SUPT3H: variants seen among roughly 807,000 people sequenced by gnomAD.
SUPT3H encodes SPT3 homolog, SAGA and STAGA complex component.
A neutral mutation model predicts 44.3 loss-of-function variants in SUPT3H; 44 were observed. The observed-to-expected ratio is 0.99, with a 90% CI of 0.78 to 1.28. The LOEUF (loss-of-function observed/expected upper bound fraction) is 1.28. Ranked by LOEUF, SUPT3H falls within the 50% of genes most tolerant of loss-of-function variation. The pLI is 0.00. For missense variants in SUPT3H, 380 were observed against 387.1 expected, an observed-to-expected ratio of 0.98 and a Z score of 0.15; for synonymous variants, 124 against 125.6, an observed-to-expected ratio of 0.99 and a Z score of 0.09.
At chr6:45,201,676 A>ATTCT (rs1762475133) in intron 2 of SUPT3H, among the ~76,000 whole-genome samples, 1 of 151,890 alleles carries the variant, frequency 6.6e-6, no homozygotes, top group Non-Finnish European at 1.5e-5. Flanking sequence ...GAAACACAGA[A>ATTCT]TAGGACAGAG....
At chr6:45,184,617 A>T (rs1813848150) in intron 2 of SUPT3H, among the ~76,000 whole-genome samples, 1 of 152,030 alleles carries the variant, frequency 6.6e-6, no homozygotes, top group South Asian at 2.1e-4. Flanking sequence ...AGCACAGGAC[A>T]TCGCTGAAAG....
rs148745519 is a variant in SUPT3H at position 45,151,358 on chromosome 6, C to A, written c.102-45352G>T. Among the ~76,000 whole-genome samples, 385 of 152,242 alleles carry A rather than the reference C, an allele frequency of 2.5e-3. 4 individuals carry two copies. Among genetic ancestry groups the A allele is most frequent in the African/African-American group, 8.8e-3 (364 of 41,544 alleles). ...TTCTAAATCTATTTTCAAATATCCTCTGTTAAGCAAGTTTCAAAAAGATTG... is the reference window on the plus strand; with the variant it reads ...TTCTAAATCTATTTTCAAATATCCTATGTTAAGCAAGTTTCAAAAAGATTG... On this transcript the variant is annotated intron_variant, in intron 2 of 10. Coordinates refer to ENST00000371459, the MANE Select transcript of SUPT3H (RefSeq NM_003599.4).
chr6:45,347,721 CTTTA>C (rs1044487463), intron 2 of SUPT3H, among the ~76,000 whole-genome samples: 1 of 151,348 alleles, frequency 6.6e-6, no homozygotes, highest in African/African-American at 2.4e-5. Flanking sequence ...AATCCAAATA[CTTTA>C]TTTTTCTACA....
At chr6:45,141,757 C>T (rs554892450) in intron 2 of SUPT3H, among the ~76,000 whole-genome samples, 1 of 152,182 alleles carries the variant, frequency 6.6e-6, no homozygotes, top group Admixed American at 6.5e-5. Flanking sequence ...AAAAACAAGT[C>T]CAGGAGCAGA....
chr6:45,321,154 A>C (rs950276685), intron 2 of SUPT3H, among the ~76,000 whole-genome samples: 34 of 152,130 alleles, frequency 2.2e-4, no homozygotes, highest in Admixed American at 2.2e-3. Flanking sequence ...TAAACTGTGA[A>C]AACTAGCCAT....
At chr6:45,293,991 C>A (rs1780719792) in intron 2 of SUPT3H, among the ~76,000 whole-genome samples, 1 of 152,066 alleles carries the variant, frequency 6.6e-6, no homozygotes, top group Non-Finnish European at 1.5e-5. Flanking sequence ...TCTATGAAGC[C>A]ATTATCACGC....
chr6:45,321,379 G>A (rs1785467911), intron 2 of SUPT3H, among the ~76,000 whole-genome samples: 1 of 152,006 alleles, frequency 6.6e-6, no homozygotes, highest in South Asian at 2.1e-4. Context: ...GCTGAAAAAT[G>A]CCTATATATC....
At chr6:44,832,764 C>T (rs1287276703) in intron 10 of SUPT3H, among the ~76,000 whole-genome samples, 3 of 152,026 alleles carry the variant, frequency 2.0e-5, no homozygotes, top group African/African-American at 7.2e-5. Flanking sequence ...CGACCTGTGC[C>T]AGAATGTCAA....
In SUPT3H at chr6:44,999,980, A is replaced by G. The variant is rs1582982228; in HGVS notation, c.504+3673T>C. Among the ~76,000 whole-genome samples the G allele has an allele frequency of 5.3e-5, 8 of 152,160 alleles. No homozygotes were observed. In the South Asian group the frequency reaches 1.7e-3, roughly 32 times the overall value. On this transcript the variant is annotated intron_variant, in intron 6 of 10. Coordinates refer to ENST00000371459, the MANE Select transcript of SUPT3H (RefSeq NM_003599.4). ...AACTTTTACCTTTTAAATAATCTAG[A>G]AAAATTACATTTCTATTTCTATATA... is the stretch of plus-strand genomic sequence containing the variant.
intron 4 of SUPT3H, among the ~76,000 whole-genome samples, chr6:45,018,907 G>C (rs1784709845): frequency 6.6e-6 from 1 of 152,048 alleles, no homozygotes; most frequent in Non-Finnish European, 1.5e-5. Context: ...GATTGGAATA[G>C]TTTCAGAAGG....
intron 10 of SUPT3H, among the ~76,000 whole-genome samples, chr6:44,879,563 C>A (rs958056065): frequency 2.6e-5 from 4 of 151,568 alleles, no homozygotes; most frequent in African/African-American, 9.7e-5. Context: ...CCCAGCACAG[C>A]ACTCGAGCTC....
intron 2 of SUPT3H, among the ~76,000 whole-genome samples, chr6:45,248,232 T>G (rs1771724965): frequency 6.7e-6 from 1 of 149,058 alleles, no homozygotes; most frequent in African/African-American, 2.4e-5. Context: ...AAAGAAAAAA[T>G]GACCAATTGA....
intron 2 of SUPT3H, among the ~76,000 whole-genome samples, chr6:45,130,629 T>G (rs1003192180): frequency 1.4e-5 from 2 of 147,582 alleles, no homozygotes; most frequent in African/African-American, 2.5e-5. Context: ...CTTTATCTTT[T>G]GAACTTTAAA....
chr6:44,899,859 A>T (rs1219132568), intron 10 of SUPT3H, among the ~76,000 whole-genome samples: 6 of 152,332 alleles, frequency 3.9e-5, no homozygotes, highest in African/African-American at 1.4e-4. Flanking sequence ...CATGAATTTC[A>T]TAGACTTTCT....
chr6:45,025,222 T>C (rs900959443), intron 3 of SUPT3H, among the ~76,000 whole-genome samples: 10 of 152,314 alleles, frequency 6.6e-5, no homozygotes, highest in East Asian at 5.8e-4. Flanking sequence ...TTTAAAATAA[T>C]TTTCTCAGAA....
At chr6:44,940,318 G>T (rs1173251314) in intron 9 of SUPT3H, among the ~76,000 whole-genome samples, 1 of 151,924 alleles carries the variant, frequency 6.6e-6, no homozygotes, top group Non-Finnish European at 1.5e-5. Context: ...TCATTCCAGA[G>T]GATATTGTTT....
intron 10 of SUPT3H, among the ~76,000 whole-genome samples, chr6:44,881,710 T>C (rs1175162627): frequency 6.6e-6 from 1 of 152,094 alleles, no homozygotes; most frequent in Non-Finnish European, 1.5e-5. Flanking sequence ...GCAATCAAAT[T>C]AGAACTCAGG....
chr6:45,319,698 G>C (rs948653846), intron 2 of SUPT3H, among the ~76,000 whole-genome samples: 5 of 152,120 alleles, frequency 3.3e-5, no homozygotes, highest in Non-Finnish European at 5.9e-5. Flanking sequence ...ATGTCCAATG[G>C]AAGATGCAAT....
chr6:44,914,615 A>G (rs1429389235), intron 10 of SUPT3H, among the ~76,000 whole-genome samples: 1 of 152,208 alleles, frequency 6.6e-6, no homozygotes. Context: ...AATCATAGGT[A>G]ATGAAGTGTA....
Sources: gnomAD v4.1 joint callset for allele counts (sites outside exome capture counted in the v4.1 genomes callset) on GRCh38, gnomAD v4.1.1 for gene constraint, MANE v1.5 for transcripts, NCBI Gene and HGNC (gene_info 2026-07-23, HGNC 2026-07-21) for gene names.